PCDH11X: variants seen among roughly 807,000 people sequenced by gnomAD.
PCDH11X encodes protocadherin-11 X-linked.
Under a neutral mutation model 53.3 loss-of-function variants are expected in PCDH11X, and 18 were observed. That is an observed-to-expected ratio of 0.34 (90% CI 0.23 to 0.50). The LOEUF is 0.50. PCDH11X is among the 20% of genes least tolerant of loss of function. PCDH11X has a pLI of 0.98. For synonymous variants in PCDH11X, 279 were observed against 393.3 expected (o/e 0.71, Z 3.44); for missense variants, 570 against 1,032.4 (o/e 0.55, Z 6.14).
chrX:91,894,509 T>C (rs1940656925), intron 6 of PCDH11X, among the ~76,000 whole-genome samples: 1 of 111,918 alleles, frequency 8.9e-6, no homozygotes, highest in South Asian at 3.7e-4. Context: ...GAAAGATTTT[T>C]ATTCATAAAC....
chrX:92,228,872 G>A (rs759982468), intron 7 of PCDH11X, among the ~76,000 whole-genome samples: 11 of 111,754 alleles, frequency 9.8e-5, no homozygotes, highest in South Asian at 3.7e-4. Flanking sequence ...TTCACTATGT[G>A]AGACCTTGTC....
At chrX:92,083,179 T>C (rs1172294168) in intron 6 of PCDH11X, among the ~76,000 whole-genome samples, 1 of 111,854 alleles carries the variant, frequency 8.9e-6, no homozygotes, top group Non-Finnish European at 1.9e-5. Flanking sequence ...AATATATGGT[T>C]GGATGGAACT....
chrX:92,384,454 CAG>C (rs767481338), intron 8 of PCDH11X, among the ~76,000 whole-genome samples: 1 of 111,821 alleles, frequency 8.9e-6, no homozygotes, highest in South Asian at 3.7e-4. Context: ...TTTATCAAGA[CAG>C]GGGGATTGCA....
At chrX:92,122,226 G>A (rs1212772362) in intron 6 of PCDH11X, among the ~76,000 whole-genome samples, 3 of 110,394 alleles carry the variant, frequency 2.7e-5, no homozygotes, top group African/African-American at 9.9e-5. Flanking sequence ...CAGGTGATCT[G>A]CCCACCTCAG....
At chrX:91,994,837 A>C (rs1288485106) in intron 6 of PCDH11X, among the ~76,000 whole-genome samples, 14 of 110,866 alleles carry the variant, frequency 1.3e-4, no homozygotes, top group Admixed American at 9.6e-5. Context: ...ATAATAGCCA[A>C]TCTAACAGGT....
chrX:92,100,794 T>C (rs1221344047), intron 6 of PCDH11X, among the ~76,000 whole-genome samples: 2 of 110,517 alleles, frequency 1.8e-5, no homozygotes, highest in Non-Finnish European at 3.8e-5. Flanking sequence ...ACGATGTTTC[T>C]CAGGGCTGCT....
chrX:92,595,163 C>T (rs1010397317), intron 10 of PCDH11X, among the ~76,000 whole-genome samples: 6 of 108,902 alleles, frequency 5.5e-5, no homozygotes, highest in African/African-American at 2.0e-4. Flanking sequence ...ACTTATAGAG[C>T]CAATAAAAGT....
chrX:91,919,746 T>C (rs1237860933), intron 6 of PCDH11X, among the ~76,000 whole-genome samples: 1 of 111,077 alleles, frequency 9.0e-6, no homozygotes, highest in Non-Finnish European at 1.9e-5. Context: ...CATTCTTAGG[T>C]ATTTCAATAA....
At chrX:92,359,096 GT>G (rs959312333) in intron 8 of PCDH11X, among the ~76,000 whole-genome samples, 14 of 105,857 alleles carry the variant, frequency 1.3e-4, no homozygotes, top group African/African-American at 4.5e-4. Flanking sequence ...TTTCATTTAT[GT>G]TTTTTTTTGT....
intron 1 of PCDH11X, among the ~76,000 whole-genome samples, chrX:91,802,127 T>C (rs1935956334): frequency 1.8e-5 from 2 of 113,267 alleles, no homozygotes; most frequent in South Asian, 7.1e-4. Context: ...TTAGGAAAGA[T>C]GGAGTAACAT....
At chrX:92,610,542 G>A (rs1345188097) in intron 10 of PCDH11X, among the ~76,000 whole-genome samples, 1 of 109,936 alleles carries the variant, frequency 9.1e-6, no homozygotes, top group African/African-American at 3.3e-5. Flanking sequence ...CATTCTATAG[G>A]TTGTCTGTTC....
intron 6 of PCDH11X, among the ~76,000 whole-genome samples, chrX:91,886,955 AG>A (rs1283271326): frequency 1.1e-5 from 1 of 94,134 alleles, no homozygotes; most frequent in Admixed American, 1.2e-4. Flanking sequence ...TGGGCGACAG[AG>A]CTAGACTCCA....
chrX:92,176,765 A>G lies in PCDH11X; in HGVS notation c.3034-24610A>G, dbSNP rs1008415841. On this transcript the variant is annotated intron_variant, in intron 6 of 10. Transcript: ENST00000682573. ...TTATGTTGGAGTGCGAGAAGAGAAA[A>G]CATAGATACATAGAGATACTACAAT... 4.5e-5 allele frequency among the ~76,000 whole-genome samples: 5 copies of G among 110,753 alleles called. No individual in the cohort carries two copies. The Admixed American group carries it at 4.9e-4, about 11-fold the overall frequency.
At chrX:92,022,513 C>A (rs942067763) in intron 6 of PCDH11X, among the ~76,000 whole-genome samples, 1 of 105,486 alleles carries the variant, frequency 9.5e-6, no homozygotes, top group Non-Finnish European at 1.9e-5. Flanking sequence ...AATACAGGAG[C>A]ACCCAGATTC....
intron 8 of PCDH11X, among the ~76,000 whole-genome samples, chrX:92,264,299 G>A (rs189450278): frequency 4.5e-5 from 5 of 111,414 alleles, no homozygotes; most frequent in East Asian, 2.8e-4. Context: ...TATATCTTTC[G>A]GAGTGCTTTC....
chrX:91,893,127 CAT>C (rs1940581524), intron 6 of PCDH11X, among the ~76,000 whole-genome samples: 1 of 109,766 alleles, frequency 9.1e-6, no homozygotes, highest in Non-Finnish European at 1.9e-5. Flanking sequence ...ATGACTAGGT[CAT>C]ATAACCTGTA....
At chrX:92,564,301 A>G (rs1191821302) in intron 10 of PCDH11X, among the ~76,000 whole-genome samples, 1 of 105,807 alleles carries the variant, frequency 9.5e-6, no homozygotes, top group African/African-American at 3.4e-5. Context: ...CAAAAGACCT[A>G]AATAGTCAAA....
chrX:92,219,612 G>T lies in PCDH11X; in HGVS notation c.3114+18157G>T, dbSNP rs370023517. Reference sequence around the variant, plus strand: ...AGGAAGAATCAATATTGTGAAAATGGCCATACTGCCCAAGGTAATTTATAG... The same window carrying T: ...AGGAAGAATCAATATTGTGAAAATGTCCATACTGCCCAAGGTAATTTATAG... On this transcript the variant is annotated intron_variant, in intron 7 of 10. Coordinates refer to ENST00000682573, the MANE Select transcript of PCDH11X (RefSeq NM_032968.5). Among the ~76,000 whole-genome samples the T allele has an allele frequency of 1.4e-4, 14 of 103,532 alleles. No homozygotes were observed. In the East Asian group the frequency reaches 2.8e-3, roughly 21 times the overall value. 89.9% of individuals were successfully genotyped at this position (103,532 alleles called of 115,157 possible).
chrX:92,053,440 A>C (rs1438398193), intron 6 of PCDH11X, among the ~76,000 whole-genome samples: 1 of 107,194 alleles, frequency 9.3e-6, no homozygotes, highest in Non-Finnish European at 1.9e-5. Context: ...TAATTATTTA[A>C]AAATTCATAA....
Sources: allele counts gnomAD v4.1 joint callset (sites outside exome capture counted in the v4.1 genomes callset), GRCh38; gene constraint gnomAD v4.1.1; transcripts MANE v1.5; gene names NCBI Gene and HGNC (gene_info 2026-07-23, HGNC 2026-07-21).